The following LAMA1 variants were observed in gnomAD, a reference collection of about 807,000 sequenced individuals.
LAMA1 encodes laminin subunit alpha 1.
In LAMA1, 219 loss-of-function variants were observed where a neutral mutation model predicts 348.7. The ratio of observed to expected loss-of-function variants is 0.63; its 90% confidence interval spans 0.56 to 0.70. LAMA1 has a LOEUF of 0.70. Among genes scored for constraint, LAMA1 ranks in the 30% least tolerant of loss-of-function variants. The pLI is 0.00. For synonymous variants in LAMA1, 1,487 were observed against 1,491.0 expected (o/e 1.00, Z 0.06); for missense variants, 3,744 against 3,888.0 (o/e 0.96, Z 0.99).
intron 5 of LAMA1, among the ~76,000 whole-genome samples, chr18:7,047,344 C>A (rs1490934836): frequency 6.6e-6 from 1 of 152,078 alleles, no homozygotes; most frequent in Non-Finnish European, 1.5e-5. Flanking sequence ...GCCCGGCCTT[C>A]TTTTTTCATT....
chr18:7,085,557 T>C (rs1410471220), intron 1 of LAMA1, among the ~76,000 whole-genome samples: 2 of 151,878 alleles, frequency 1.3e-5, no homozygotes, highest in African/African-American at 4.8e-5. Flanking sequence ...TAGCTGGGAC[T>C]ATAGGCACCC....
intron 27 of LAMA1, among the ~76,000 whole-genome samples, chr18:7,008,809 A>G (rs1462098607): frequency 1.3e-5 from 2 of 152,234 alleles, no homozygotes; most frequent in Non-Finnish European, 2.9e-5. Flanking sequence ...TTTAGAATTT[A>G]AAAATAATGT....
chr18:6,987,487 A>G (rs1416322203), intron 36 of LAMA1, among the ~76,000 whole-genome samples: 1 of 152,142 alleles, frequency 6.6e-6, no homozygotes, highest in Admixed American at 6.5e-5. Flanking sequence ...ATACCAAAAG[A>G]TTTTTTTCCT....
rs537346192 is a variant in LAMA1, at chr18:7,075,610, C to A, written c.345+4365G>T. On this transcript the variant is annotated intron_variant, in intron 3 of 62. Coordinates refer to ENST00000389658, the MANE Select transcript of LAMA1 (RefSeq NM_005559.4). ...TGCCCTCCAGTCTGGGAAACAAGAG[C>A]GAAACTCCGTCTCAAAAAAAAAATA... 6.3e-5 allele frequency among the ~76,000 whole-genome samples: 9 copies of A among 143,554 alleles called. No individual in the cohort carries two copies. The Admixed American group carries it at 6.3e-4, about 10-fold the overall frequency. The allele number at this position is 143,554 out of a possible 152,430, so 94.2% of individuals were successfully genotyped here. A position where few individuals can be genotyped will look rare whatever the true frequency, so the allele number is the denominator to read the frequency against.
chr18:7,088,962 G>A (rs1043387241), intron 1 of LAMA1, among the ~76,000 whole-genome samples: 9 of 152,158 alleles, frequency 5.9e-5, no homozygotes, highest in African/African-American at 1.7e-4. Flanking sequence ...CTATGATTTC[G>A]CCACCGCACT....
rs766716806 is a variant in LAMA1, at chr18:7,080,262, TCAGAAATAAAGGCGCGAC to T, written c.232+7_232+24del. ...CAAAGTGTACATTCCCATGGGAATT[TCAGAAATAAAGGCGCGAC>T]ACTTGCCTCTGGGGTTTGCGCTGTT... On this transcript the variant is annotated splice_region_variant and intron_variant, in intron 2 of 62. Transcript: ENST00000389658. The T allele has an allele frequency of 3.1e-5, 50 of 1,613,778 alleles. No homozygotes were observed. The East Asian group carries it at 1.1e-3, about 36-fold the overall frequency.
chr18:6,945,240 CAA>C (rs1430635156), intron 61 of LAMA1, among the ~76,000 whole-genome samples: 3 of 151,950 alleles, frequency 2.0e-5, no homozygotes, highest in Non-Finnish European at 4.4e-5. Context: ...CAAATAGATA[CAA>C]AAGTTTTTAA....
rs780242886 is a variant in LAMA1 at position 7,023,291 on chromosome 18, C to T, written c.2574G>A (p.Ser858=). The change falls in exon 19 of 63, where the codon TCG becomes TCA. Residue 858 remains serine, a synonymous_variant. Transcript: ENST00000389658. ...PCDCSGNVDP[S]EAGHCDSVTG... ...TGACTGAGTCACAGTGACCAGCCTC[C>T]GAGGGGTCCACGTTGCCGCTGCAGT... is the stretch of plus-strand genomic sequence containing the variant. 26 of 1,614,032 alleles carry T rather than the reference C, an allele frequency of 1.6e-5. No individual in the cohort carries two copies. In the East Asian group the frequency reaches 3.3e-4, roughly 21 times the overall value.
chr18:7,080,203 T>C (rs2058187293), intron 2 of LAMA1, 84 bp downstream of exon 2: 6 of 1,596,334 alleles, frequency 3.8e-6, no homozygotes, highest in East Asian at 4.5e-5. Flanking sequence ...ACAATGTTTA[T>C]GGCTTCCTAA....
chr18:7,004,148 C>A (rs1296707659), intron 29 of LAMA1, among the ~76,000 whole-genome samples: 1 of 152,112 alleles, frequency 6.6e-6, no homozygotes, highest in East Asian at 1.9e-4. Context: ...GAAACAAGGA[C>A]CCCCTAATGA....
intron 61 of LAMA1, among the ~76,000 whole-genome samples, chr18:6,944,018 T>C (rs991828888): frequency 6.6e-6 from 1 of 152,046 alleles, no homozygotes; most frequent in African/African-American, 2.4e-5. Flanking sequence ...GGTCATACTT[T>C]CATTTTTTTT....
At chr18:6,971,531 A>C (rs614018) in intron 48 of LAMA1, among the ~76,000 whole-genome samples, 5,666 of 152,262 alleles carry the variant, frequency 0.037, 218 homozygotes, top group African/African-American at 0.097. Context: ...TCAAAGCATA[A>C]AAGACATAGG....
chr18:6,956,075 G>T (rs1279325271), intron 56 of LAMA1: 4 of 297,732 alleles, frequency 1.3e-5, no homozygotes, highest in Non-Finnish European at 2.6e-5. Context: ...CATGAAAACT[G>T]CCCCGAACTC....
chr18:6,987,526 C>T (rs747378041), intron 36 of LAMA1, among the ~76,000 whole-genome samples: 9 of 152,054 alleles, frequency 5.9e-5, no homozygotes, highest in Non-Finnish European at 1.0e-4. Context: ...CATCAAATTG[C>T]TGATTTAAAT....
At chr18:7,115,068 T>G (rs1441384879) in intron 1 of LAMA1, among the ~76,000 whole-genome samples, 1 of 152,228 alleles carries the variant, frequency 6.6e-6, no homozygotes, top group Admixed American at 6.5e-5. Context: ...GCAGTGAGGC[T>G]TCTGTTACAC....
At chr18:7,038,030 A>T (rs1202836227) in intron 11 of LAMA1, among the ~76,000 whole-genome samples, 1 of 152,194 alleles carries the variant, frequency 6.6e-6, no homozygotes, top group Non-Finnish European at 1.5e-5. Context: ...TAGATTTTAG[A>T]TTTAAAACAA....
intron 1 of LAMA1, among the ~76,000 whole-genome samples, chr18:7,097,936 T>C (rs949649936): frequency 6.6e-6 from 1 of 150,420 alleles, no homozygotes; most frequent in Non-Finnish European, 1.5e-5. Flanking sequence ...ACTGCTGCCA[T>C]CTCGGCTCAC....
Position 6,948,432 on chromosome 18 carries a change from T to C in LAMA1, c.8681A>G (p.Tyr2894Cys). 2 of 1,614,174 alleles carry C rather than the reference T, an allele frequency of 1.2e-6. No homozygotes were observed. The highest frequency in any genetic ancestry group is 1.7e-6 in the Non-Finnish European group (2 of 1,180,030). ...AGCTGCATATCCGCTTCCGTCAAAG[T>C]ATGTTCCTTCCTGGGCCACTGCGTA... ...RCYAVAQEGT[Y>C]FDGSGYAALV... The change falls in exon 60 of 63, where the codon TAC becomes TGC. Residue 2894 changes from tyrosine (Y) to cysteine (C), a missense_variant. Coordinates refer to ENST00000389658, the MANE Select transcript of LAMA1 (RefSeq NM_005559.4).
At chr18:6,994,933 G>A (rs2057774593) in intron 34 of LAMA1, among the ~76,000 whole-genome samples, 2 of 152,136 alleles carry the variant, frequency 1.3e-5, no homozygotes, top group South Asian at 2.1e-4. Flanking sequence ...CATGAGGTCT[G>A]TGCCCTCCCT....
Sources: allele counts gnomAD v4.1 joint callset (sites outside exome capture counted in the v4.1 genomes callset), GRCh38; gene constraint gnomAD v4.1.1; transcripts MANE v1.5; gene names NCBI Gene and HGNC (gene_info 2026-07-23, HGNC 2026-07-21).